Variants in FMN2 observed in about 807,000 individuals in gnomAD.
The protein encoded by FMN2 is formin 2, also known as formin-2.
FMN2 carries 51 observed loss-of-function variants against 142.3 expected under a neutral mutation model. The ratio of observed to expected loss-of-function variants is 0.36; its 90% CI spans 0.29 to 0.45. The LOEUF is 0.45. Among genes scored for constraint, FMN2 ranks in the 20% least tolerant of loss-of-function variants. The pLI is 1.00. For missense variants in FMN2, 1,936 were observed against 2,122.8 expected (o/e 0.91, Z 1.73); for synonymous variants, 882 against 869.8 (o/e 1.01, Z -0.25).
intron 2 of FMN2, among the ~76,000 whole-genome samples, chr1:240,139,686 A>G (rs561810851): frequency 6.6e-6 from 1 of 152,356 alleles, no homozygotes; most frequent in African/African-American, 2.4e-5. Context: ...GAGGAATTCC[A>G]GTGGAGCGCT....
intron 16 of FMN2, among the ~76,000 whole-genome samples, chr1:240,452,866 C>T (rs1676107913): frequency 6.6e-6 from 1 of 152,148 alleles, no homozygotes; most frequent in Admixed American, 6.5e-5. Flanking sequence ...TAATTCTATA[C>T]TGAGTATGTA....
intron 15 of FMN2, among the ~76,000 whole-genome samples, chr1:240,412,023 T>A (rs1485010904): frequency 6.6e-6 from 1 of 152,114 alleles, no homozygotes; most frequent in Non-Finnish European, 1.5e-5. Flanking sequence ...TAGGAGATGG[T>A]GTCCACAGAT....
rs551217312 is a variant in FMN2 at position 240,121,542 on chromosome 1, AT to A, written c.1616-1629del. Among the ~76,000 whole-genome samples, 505 of 150,338 alleles carry A rather than the reference AT, an allele frequency of 3.4e-3. 2 individuals are homozygous for A. Among genetic ancestry groups the A allele is most frequent in the African/African-American group, 0.012 (490 of 40,950 alleles). On this transcript the variant is annotated intron_variant, in intron 1 of 17. Transcript: ENST00000319653. Reference sequence around the variant, plus strand: ...AGGCGCTGGCCACCAAGCCTGGCTAATTTTTTTTGTTTTGTTTTTTGTATTT... The same window carrying A: ...AGGCGCTGGCCACCAAGCCTGGCTAATTTTTTTGTTTTGTTTTTTGTATTT...
In FMN2 at chr1:240,245,421, G is replaced by A. The variant is rs1002854095; in HGVS notation, c.4066-12524G>A. ...GTGAAAGAGAAGAATGAAAGACAAG[G>A]AAGCATCAGTGGAACTTGATGTGTG... On this transcript the variant is annotated intron_variant, in intron 6 of 17. Transcript: ENST00000319653. 8 of 440,444 alleles carry A rather than the reference G, an allele frequency of 1.8e-5. No individual in the cohort carries two copies. In the East Asian group the frequency reaches 4.9e-4, roughly 27 times the overall value. 27.3% of individuals were successfully genotyped at this position (440,444 alleles called of 1,614,324 possible).
intron 1 of FMN2, among the ~76,000 whole-genome samples, chr1:240,122,098 TA>T (rs1448468870): frequency 1.5e-5 from 2 of 136,504 alleles, no homozygotes; most frequent in African/African-American, 5.3e-5. Flanking sequence ...ATTTATGAAT[TA>T]TTTTTTGAGA....
intron 16 of FMN2, among the ~76,000 whole-genome samples, chr1:240,455,694 G>A (rs1676216740): frequency 6.6e-6 from 1 of 151,912 alleles, no homozygotes; most frequent in African/African-American, 2.4e-5. Context: ...AATAATAATA[G>A]GCTGGGCTTG....
chr1:240,200,460 C>T (rs991703527), intron 4 of FMN2, among the ~76,000 whole-genome samples: 1 of 152,050 alleles, frequency 6.6e-6, no homozygotes, highest in African/African-American at 2.4e-5. Context: ...GCCAGCCGGC[C>T]CTTGACTGAT....
chr1:240,388,637 G>GGATC (rs2103092469), intron 14 of FMN2, among the ~76,000 whole-genome samples: 1 of 152,132 alleles, frequency 6.6e-6, no homozygotes, highest in African/African-American at 2.4e-5. Flanking sequence ...TGAGGCAGGT[G>GGATC]GATCACCTCA....
chr1:240,416,248 A>G (rs12073424), intron 15 of FMN2, among the ~76,000 whole-genome samples: 1,978 of 142,856 alleles, frequency 0.014, 50 homozygotes, highest in African/African-American at 0.049. Flanking sequence ...TTGCCTGTAC[A>G]TTCCCTTTCC....
At chr1:240,282,085 A>T (rs1213637309) in intron 7 of FMN2, among the ~76,000 whole-genome samples, 2 of 152,232 alleles carry the variant, frequency 1.3e-5, no homozygotes. Context: ...CTTTCATTTT[A>T]GAGTGCCTGC....
intron 15 of FMN2, among the ~76,000 whole-genome samples, chr1:240,420,648 G>A (rs1359574911): frequency 1.3e-5 from 2 of 152,164 alleles, no homozygotes; most frequent in Non-Finnish European, 2.9e-5. Flanking sequence ...GATAAAATGT[G>A]CTGGTGTGGA....
intron 6 of FMN2, among the ~76,000 whole-genome samples, chr1:240,238,293 T>C (rs925258082): frequency 6.6e-6 from 1 of 152,236 alleles, no homozygotes; most frequent in Non-Finnish European, 1.5e-5. Flanking sequence ...CTATTAGATA[T>C]TCAATAGAGA....
At chr1:240,168,609 C>T (rs79070736) in intron 2 of FMN2, among the ~76,000 whole-genome samples, 2,664 of 152,148 alleles carry the variant, frequency 0.018, 80 homozygotes, top group African/African-American at 0.056. Context: ...TAAATAAATA[C>T]GGCCTTTTTG....
intron 8 of FMN2, among the ~76,000 whole-genome samples, chr1:240,313,938 C>T (rs958679994): frequency 1.3e-5 from 2 of 151,962 alleles, no homozygotes; most frequent in African/African-American, 4.8e-5. Context: ...TGAGCCACTG[C>T]ACACTTCAGC....
chr1:240,121,316 C>A (rs1018156139), intron 1 of FMN2, among the ~76,000 whole-genome samples: 1 of 152,144 alleles, frequency 6.6e-6, no homozygotes, highest in African/African-American at 2.4e-5. Context: ...AGATTGAGAA[C>A]CCCTGGGCTA....
intron 8 of FMN2, among the ~76,000 whole-genome samples, chr1:240,306,798 A>G (rs1322674163): frequency 2.6e-5 from 4 of 152,156 alleles, no homozygotes; most frequent in African/African-American, 7.2e-5. Flanking sequence ...TGGTATTTCT[A>G]TTTTTAGTTC....
At chr1:240,239,765 G>A (rs184542437) in intron 6 of FMN2, among the ~76,000 whole-genome samples, 7 of 152,274 alleles carry the variant, frequency 4.6e-5, no homozygotes, top group African/African-American at 1.7e-4. Flanking sequence ...CCTGAATACC[G>A]AATGACCATT....
At chr1:240,467,161 C>G (rs956041072) in intron 16 of FMN2, among the ~76,000 whole-genome samples, 2 of 152,092 alleles carry the variant, frequency 1.3e-5, no homozygotes, top group African/African-American at 4.8e-5. Flanking sequence ...GGGCAGACTG[C>G]CTTACATATC....
At chr1:240,124,095 C>T (rs551367170) in intron 2 of FMN2, among the ~76,000 whole-genome samples, 11 of 152,264 alleles carry the variant, frequency 7.2e-5, no homozygotes, top group African/African-American at 2.6e-4. Context: ...TGGGTTGTTT[C>T]CACCTTTTGC....
Sources: gnomAD v4.1 joint callset for allele counts (sites outside exome capture counted in the v4.1 genomes callset) on GRCh38, gnomAD v4.1.1 for gene constraint, MANE v1.5 for transcripts, NCBI Gene and HGNC (gene_info 2026-07-23, HGNC 2026-07-21) for gene names.